ZNF445: variants seen among roughly 807,000 people sequenced by gnomAD.
The protein encoded by ZNF445 is zinc finger protein 445.
Under a neutral mutation model 93.9 loss-of-function variants are expected in ZNF445, and 19 were observed. That is an observed-to-expected ratio of 0.20 (90% CI 0.14 to 0.30). The LOEUF is 0.30. Among genes scored for constraint, ZNF445 ranks in the 10% least tolerant of loss-of-function variants. The probability of loss-of-function intolerance (pLI) is 1.00; values close to 1 mark genes in which losing one functional copy is unlikely to be tolerated. For synonymous variants in ZNF445, 449 were observed against 446.3 expected (o/e 1.01, Z -0.08); for missense variants, 1,058 against 1,259.4 (o/e 0.84, Z 2.42).
At chr3:44,470,978 C>T (rs1698261234) in intron 1 of ZNF445, among the ~76,000 whole-genome samples, 1 of 151,244 alleles carries the variant, frequency 6.6e-6, no homozygotes, top group African/African-American at 2.4e-5. Flanking sequence ...CAAAATGCTA[C>T]CAAAACACAA....
At chr3:44,465,100 T>C (rs764477425) in intron 1 of ZNF445, among the ~76,000 whole-genome samples, 3 of 150,358 alleles carry the variant, frequency 2.0e-5, no homozygotes, top group African/African-American at 4.9e-5. Context: ...CGCTTACTTA[T>C]CAGGTTTTTC....
At chr3:44,469,036 T>C (rs1283121760) in intron 1 of ZNF445, among the ~76,000 whole-genome samples, 2 of 142,954 alleles carry the variant, frequency 1.4e-5, no homozygotes, top group Non-Finnish European at 1.5e-5. Context: ...TGAGAGTCTG[T>C]CTCAAAAAAA....
intron 1 of ZNF445, among the ~76,000 whole-genome samples, chr3:44,461,671 T>G (rs1438497821): frequency 1.3e-5 from 2 of 152,132 alleles, no homozygotes; most frequent in African/African-American, 4.8e-5. Flanking sequence ...CAGGGACCAA[T>G]GGGAAAAAGT....
rs574921501 is a variant in ZNF445 at position 44,442,279 on chromosome 3, A to G, written c.*4296T>C. 6.6e-6 allele frequency: 1 copy of G among 152,328 alleles called. No individual in the cohort carries two copies. The highest frequency in any genetic ancestry group is 1.5e-5 in the Non-Finnish European group (1 of 68,038). 9.4% of individuals were successfully genotyped at this position (152,328 alleles called of 1,614,324 possible). On this transcript the variant is annotated 3_prime_UTR_variant, in exon 8 of 8. Transcript: ENST00000396077. The stretch of plus-strand genomic sequence containing the variant: ...AATGCAGGCTTTTCCCAATCTTGCT[A>G]CCTAAACAATACTTCAGTGAAGTCT...
At chr3:44,454,491 T>C (rs1033839214) in intron 3 of ZNF445, among the ~76,000 whole-genome samples, 1 of 152,210 alleles carries the variant, frequency 6.6e-6, no homozygotes, top group African/African-American at 2.4e-5. Flanking sequence ...TGGAGCGCAG[T>C]GGTGCAATCA....
rs1020899626 is a variant in ZNF445 at position 44,437,705 on chromosome 3, C to T, written c.*8870G>A. 6 of 152,304 alleles carry T rather than the reference C, an allele frequency of 3.9e-5. No homozygotes were observed. Among genetic ancestry groups the T allele is most frequent in the African/African-American group, 1.4e-4 (6 of 41,554 alleles). 9.4% of individuals were successfully genotyped at this position (152,304 alleles called of 1,614,324 possible). A position where few individuals can be genotyped will look rare whatever the true frequency, so the allele number is the denominator to read the frequency against. On this transcript the variant is annotated 3_prime_UTR_variant, in exon 8 of 8. Coordinates refer to ENST00000396077, the MANE Select transcript of ZNF445 (RefSeq NM_181489.6). ...GGGTACCCCATCACTTACCCAAAGT[C>T]GTCCAATCAGTGCTGCAGTCTATTT...
rs1282812788 is a variant in ZNF445 at position 44,440,497 on chromosome 3, G to A, written c.*6078C>T. 1.3e-5 allele frequency: 2 copies of A among 152,160 alleles called. No individual in the cohort carries two copies. The highest frequency in any genetic ancestry group is 2.4e-5 in the African/African-American group (1 of 41,436). 9.4% of individuals were successfully genotyped at this position (152,160 alleles called of 1,614,324 possible). On this transcript the variant is annotated 3_prime_UTR_variant, in exon 8 of 8. Coordinates refer to ENST00000396077, the MANE Select transcript of ZNF445 (RefSeq NM_181489.6). ...CTTGGTGACTGTGCGTCAGTATATA[G>A]AGAACATCCTCATTTTTAAAAAAAC...
Position 44,455,454 on chromosome 3 carries a change from A to G in ZNF445, c.96T>C (p.Asp32=). 6.2e-7 allele frequency: 1 copy of G among 1,614,196 alleles called. No individual in the cohort carries two copies. The highest frequency in any genetic ancestry group is 8.5e-7 in the Non-Finnish European group (1 of 1,180,032). The stretch of plus-strand genomic sequence containing the variant: ...CAGCCTGCACTGGAGTATAGCTTTC[A>G]TCCTCTTCTTCCTTCTTTACTGTCT... ...RLQTVKKEEE[D]ESYTPVQAAR... is the part of the protein sequence containing the mutation. The change falls in exon 3 of 8, where the codon GAT becomes GAC. Residue 32 remains aspartate, a synonymous_variant. Transcript: ENST00000396077.
chr3:44,454,503 G>A (rs564748865), intron 3 of ZNF445, among the ~76,000 whole-genome samples: 3 of 152,284 alleles, frequency 2.0e-5, no homozygotes, highest in South Asian at 4.1e-4. Flanking sequence ...GTGCAATCAC[G>A]GCTCACTGCA....
intron 1 of ZNF445, among the ~76,000 whole-genome samples, chr3:44,463,868 C>T (rs568859724): frequency 6.6e-6 from 1 of 151,956 alleles, no homozygotes; most frequent in South Asian, 2.1e-4. Context: ...TAGCTCATGC[C>T]TGTAAGCCCA....
At chr3:44,461,181 T>C (rs1372270116) in intron 1 of ZNF445, among the ~76,000 whole-genome samples, 1 of 152,126 alleles carries the variant, frequency 6.6e-6, no homozygotes, top group Non-Finnish European at 1.5e-5. Context: ...TCTGTAGCCC[T>C]ATGGTGTGGT....
At chr3:44,452,821 C>A (rs1697974448) in intron 3 of ZNF445, among the ~76,000 whole-genome samples, 1 of 151,914 alleles carries the variant, frequency 6.6e-6, no homozygotes, top group South Asian at 2.1e-4. Context: ...TATTTATTAC[C>A]ATTTACTGCT....
chr3:44,446,851 T>C lies in ZNF445; in HGVS notation c.2820A>G (p.Arg940=), dbSNP rs1326641205. ...CTTCACTTGGTTTTAGCTTCTGTAA[T>C]CTCAACTTTGTGTCCTGAGAGGAAG... is the stretch of plus-strand genomic sequence containing the variant. ...ARSSSQDTKL[R]LQKLKPSEEM... is the part of the protein sequence containing the mutation. Residue 940 remains arginine (R), a synonymous_variant, in exon 8 of 8, where the codon AGA becomes AGG. Transcript: ENST00000396077. The surrounding 1 kb of genome is among the most constrained non-coding windows in gnomAD (Gnocchi z 4.2). The C allele has an allele frequency of 1.9e-6, 3 of 1,614,146 alleles. No individual in the cohort carries two copies. The highest frequency in any genetic ancestry group is 1.1e-5 in the South Asian group (1 of 91,088).
chr3:44,446,052 T>C lies in ZNF445; in HGVS notation c.*523A>G, dbSNP rs1212440812. 2.4e-5 allele frequency: 4 copies of C among 164,962 alleles called. No individual in the cohort carries two copies. The highest frequency in any genetic ancestry group is 5.2e-5 in the Non-Finnish European group (4 of 77,214). 10.2% of individuals were successfully genotyped at this position (164,962 alleles called of 1,614,324 possible). Reference sequence around the variant, plus strand: ...GACCACTCTAACCCCCTAGCAGATATCCAAAAGCCAGCCAGGAAGGCTGAA... The same window carrying C: ...GACCACTCTAACCCCCTAGCAGATACCCAAAAGCCAGCCAGGAAGGCTGAA... On this transcript the variant is annotated 3_prime_UTR_variant, in exon 8 of 8. Transcript: ENST00000396077. The surrounding 1 kb of genome is among the most constrained non-coding windows in gnomAD (Gnocchi z 4.2).
At chr3:44,451,888 T>C (rs1409677213) in intron 3 of ZNF445, among the ~76,000 whole-genome samples, 1 of 152,204 alleles carries the variant, frequency 6.6e-6, no homozygotes, top group Non-Finnish European at 1.5e-5. Context: ...TGGTTCACAG[T>C]GGAGATACAG....
intron 1 of ZNF445, among the ~76,000 whole-genome samples, chr3:44,476,879 T>C (rs1031300019): frequency 1.3e-5 from 2 of 152,152 alleles, no homozygotes; most frequent in Admixed American, 1.3e-4. Context: ...GAAAATAAAC[T>C]GCAAACACGA....
intron 3 of ZNF445, among the ~76,000 whole-genome samples, chr3:44,451,826 G>A (rs1045949730): frequency 9.2e-5 from 14 of 152,240 alleles, no homozygotes; most frequent in Admixed American, 3.9e-4. Flanking sequence ...CCCCAGGCCT[G>A]TAACTTAGAA....
In ZNF445 at chr3:44,450,892, G is replaced by T; in HGVS notation, c.669C>A (p.Thr223=). 6.3e-7 allele frequency: 1 copy of T among 1,593,106 alleles called. No individual in the cohort carries two copies. Among genetic ancestry groups the T allele is most frequent in the South Asian group, 1.1e-5 (1 of 87,458 alleles). The change falls in exon 5 of 8, where the codon ACC becomes ACA. Residue 223 remains threonine, a synonymous_variant. Coordinates refer to ENST00000396077, the MANE Select transcript of ZNF445 (RefSeq NM_181489.6). Reference sequence around the variant, plus strand: ...CCTGGAGCTGGGCTGTCAGGGACCTGGTTGGTGTTACCTGGTCTCCCGGGC... The same window carrying T: ...CCTGGAGCTGGGCTGTCAGGGACCTTGTTGGTGTTACCTGGTCTCCCGGGC... The part of the protein sequence containing the change: ...EGCPGDQVTP[T]RSLTAQLQET...
Position 44,448,429 on chromosome 3 carries a change from T to C in ZNF445, c.1242A>G (p.Lys414=). ...TTCTGAAGTGTTTGCCACAGCCATGTTTAAGGGATTCCTTTCTTCCAGAAA... is the reference window on the plus strand; with the variant it reads ...TTCTGAAGTGTTTGCCACAGCCATGCTTAAGGGATTCCTTTCTTCCAGAAA... ...LRVSGRKESL[K]HGCGKHFRMS... is the part of the protein sequence containing the mutation. Residue 414 remains lysine, a synonymous_variant, in exon 8 of 8, where the codon AAA becomes AAG. Coordinates refer to ENST00000396077, the MANE Select transcript of ZNF445 (RefSeq NM_181489.6). 6.2e-7 allele frequency: 1 copy of C among 1,614,078 alleles called. No individual in the cohort carries two copies. The highest frequency in any genetic ancestry group is 8.5e-7 in the Non-Finnish European group (1 of 1,180,024).
Sources: allele counts gnomAD v4.1 joint callset (sites outside exome capture counted in the v4.1 genomes callset), GRCh38; gene constraint gnomAD v4.1.1; non-coding constraint Gnocchi (gnomAD v3.1); transcripts MANE v1.5; gene names NCBI Gene and HGNC (gene_info 2026-07-23, HGNC 2026-07-21).